The following LMO3 variants were observed in gnomAD, a reference collection of about 807,000 sequenced individuals.
The protein encoded by LMO3 is LIM domain only protein 3.
Under a neutral mutation model 15.8 loss-of-function variants are expected in LMO3, and 2 were observed. The ratio of observed to expected loss-of-function variants is 0.13; its 90% CI spans 0.05 to 0.40. The LOEUF (loss-of-function observed/expected upper bound fraction) is 0.40, where lower values mean the gene tolerates loss of function less well. Ranked by LOEUF, LMO3 falls within the 10% of genes least tolerant of loss-of-function variation. The probability of loss-of-function intolerance (pLI) is 0.99; values close to 1 mark genes in which losing one functional copy is unlikely to be tolerated. For missense variants in LMO3, 86 were observed against 182.2 expected (o/e 0.47, Z 3.04); for synonymous variants, 62 against 63.8 (o/e 0.97, Z 0.13).
intron 2 of LMO3, among the ~76,000 whole-genome samples, chr12:16,570,143 AT>A (rs778723855): frequency 4.6e-5 from 7 of 152,148 alleles, no homozygotes; most frequent in Admixed American, 4.6e-4. Flanking sequence ...GCTTTTAAGA[AT>A]TTTTTGTGAT....
rs1219362906 is a variant in LMO3 at position 16,597,412 on chromosome 12, A to C, written c.206+3243T>G. Among the ~76,000 whole-genome samples the C allele has an allele frequency of 6.6e-6, 1 of 151,778 alleles. No individual in the cohort carries two copies. Among genetic ancestry groups the C allele is most frequent in the Non-Finnish European group, 1.5e-5 (1 of 67,740 alleles). On this transcript the variant is annotated intron_variant, in intron 2 of 3. Coordinates refer to ENST00000537304, the MANE Select transcript of LMO3 (RefSeq NM_018640.5). This position sits in a 1 kb window ranked among gnomAD's most constrained non-coding sequence, Gnocchi z 5.0. Reference sequence around the variant, plus strand: ...AAATCATCATTCAAAGAACTTATAAATCACATCATCATTATCACTACTCAA... The same window carrying C: ...AAATCATCATTCAAAGAACTTATAACTCACATCATCATTATCACTACTCAA...
rs569245087 is a variant in LMO3, at chr12:16,586,074, A to G, written c.206+14581T>C. 4.6e-5 allele frequency among the ~76,000 whole-genome samples: 7 copies of G among 152,308 alleles called. No homozygotes were observed. The South Asian group carries it at 8.3e-4, about 18-fold the overall frequency. On this transcript the variant is annotated intron_variant, in intron 2 of 3. Coordinates refer to ENST00000537304, the MANE Select transcript of LMO3 (RefSeq NM_018640.5). The surrounding 1 kb of genome is among the most constrained non-coding windows in gnomAD (Gnocchi z 4.3). ...GGAAAACAGCAAAACCTTGATGTACAATTCCATAAAAATTTTTGAGGGGCC... is the reference window on the plus strand; with the variant it reads ...GGAAAACAGCAAAACCTTGATGTACGATTCCATAAAAATTTTTGAGGGGCC...
intron 3 of LMO3, among the ~76,000 whole-genome samples, chr12:16,558,330 A>G (rs770553092): frequency 1.3e-5 from 2 of 152,076 alleles, no homozygotes. Flanking sequence ...ATTTCCTACT[A>G]TGAATATGTA....
At chr12:16,566,450 G>A (rs540327427) in intron 2 of LMO3, among the ~76,000 whole-genome samples, 96 of 151,818 alleles carry the variant, frequency 6.3e-4, no homozygotes, top group Non-Finnish European at 1.3e-3. Context: ...ATGAGGCGAT[G>A]GGTATTTGAA....
chr12:16,594,631 A>T (rs568918728), intron 2 of LMO3, among the ~76,000 whole-genome samples: 1 of 151,774 alleles, frequency 6.6e-6, no homozygotes, highest in African/African-American at 2.4e-5. Flanking sequence ...ATACCAAAAT[A>T]AGACTTCAGT....
Position 16,604,164 on chromosome 12 carries a change from C to T in LMO3, c.-9+1902G>A, listed in dbSNP as rs1943915918. Among the ~76,000 whole-genome samples the T allele has an allele frequency of 6.6e-6, 1 of 152,182 alleles. No individual in the cohort carries two copies. Among genetic ancestry groups the T allele is most frequent in the Non-Finnish European group, 1.5e-5 (1 of 68,030 alleles). On this transcript the variant is annotated intron_variant, in intron 1 of 3. Transcript: ENST00000537304. This position sits in a 1 kb window ranked among gnomAD's most constrained non-coding sequence, Gnocchi z 5.3. ...CTGCCCATCTTCATCCTCTTCCCAG[C>T]CCCCAACCCAGGTTGGAAAACTGGA...
chr12:16,579,117 T>G (rs1324267709), intron 2 of LMO3, among the ~76,000 whole-genome samples: 1 of 152,130 alleles, frequency 6.6e-6, no homozygotes, highest in Non-Finnish European at 1.5e-5. Context: ...GTCATAAACT[T>G]CCACAGGGAT....
In LMO3 at chr12:16,586,546, G is replaced by GC. The variant is rs1338360603; in HGVS notation, c.206+14108dup. Among the ~76,000 whole-genome samples, 1 of 152,120 alleles carries GC rather than the reference G, an allele frequency of 6.6e-6. No homozygotes were observed. Among genetic ancestry groups the GC allele is most frequent in the Non-Finnish European group, 1.5e-5 (1 of 68,026 alleles). On this transcript the variant is annotated intron_variant, in intron 2 of 3. Coordinates refer to ENST00000537304, the MANE Select transcript of LMO3 (RefSeq NM_018640.5). The surrounding 1 kb of genome is among the most constrained non-coding windows in gnomAD (Gnocchi z 4.3). ...TGTTGTATAATATTGTCAGATTCAG[G>GC]CCAACTGAATTCTGGAGGACATATG...
intron 1 of LMO3, 83 bp downstream of exon 1, chr12:16,605,983 C>T (rs1475249708): frequency 1.4e-5 from 9 of 646,538 alleles, no homozygotes; most frequent in Non-Finnish European, 2.1e-5. Context: ...AAAAAATACC[C>T]ACATCCGCAC....
At chr12:16,553,288 T>C (rs1167152962) in intron 3 of LMO3, among the ~76,000 whole-genome samples, 1 of 152,080 alleles carries the variant, frequency 6.6e-6, no homozygotes, top group African/African-American at 2.4e-5. Context: ...ACCCAGGCCT[T>C]TTTGGATTCA....
At chr12:16,594,182 A>C in intron 2 of LMO3, 1 of 1,532,446 alleles carries the variant, frequency 6.5e-7, no homozygotes, top group South Asian at 1.2e-5. Context: ...GACAAAAGGT[A>C]ATGGCCATTC....
intron 3 of LMO3, among the ~76,000 whole-genome samples, chr12:16,553,798 G>A (rs1942080881): frequency 6.6e-6 from 1 of 151,392 alleles, no homozygotes; most frequent in African/African-American, 2.4e-5. Context: ...ATCTGTAACT[G>A]TGATTTTGTA....
intron 2 of LMO3, chr12:16,594,164 T>C: frequency 2.0e-6 from 3 of 1,532,680 alleles, no homozygotes; most frequent in Non-Finnish European, 2.6e-6. Flanking sequence ...TTGGCTAAAG[T>C]CAATGATGAC....
chr12:16,605,675 C>G, intron 1 of LMO3: 2 of 1,287,620 alleles, frequency 1.6e-6, no homozygotes, highest in Non-Finnish European at 1.1e-6. Context: ...TTCCTAATTC[C>G]AAACTCTCCC....
chr12:16,558,842 T>A (rs1305596330), intron 3 of LMO3, among the ~76,000 whole-genome samples: 3 of 152,188 alleles, frequency 2.0e-5, no homozygotes, highest in Non-Finnish European at 2.9e-5. Flanking sequence ...CCTGTTGTGT[T>A]CCTGACATTT....
intron 2 of LMO3, among the ~76,000 whole-genome samples, chr12:16,572,159 A>G (rs1942833591): frequency 6.6e-6 from 1 of 151,940 alleles, no homozygotes; most frequent in Admixed American, 6.6e-5. Context: ...GATGCTTTCC[A>G]TAATAAATTA....
intron 2 of LMO3, among the ~76,000 whole-genome samples, chr12:16,579,209 T>C (rs1047215441): frequency 6.6e-6 from 1 of 152,192 alleles, no homozygotes; most frequent in African/African-American, 2.4e-5. Flanking sequence ...ATAATTTAGA[T>C]ATTTAGGGTA....
chr12:16,551,089 T>C lies in LMO3; in HGVS notation c.*133A>G. On this transcript the variant is annotated 3_prime_UTR_variant, in exon 4 of 4. Coordinates refer to ENST00000537304, the MANE Select transcript of LMO3 (RefSeq NM_018640.5). ...ACATACAGATGCAGTCCGCCTTTTA[T>C]TCCATATAACCATCCTGCCTTCCTA... The C allele has an allele frequency of 1.7e-6, 1 of 599,734 alleles. No homozygotes were observed. The highest frequency in any genetic ancestry group is 2.7e-4 in the Middle Eastern group (1 of 3,764). The allele number at this position is 599,734 out of a possible 1,614,324, so 37.2% of individuals were successfully genotyped here. A position where few individuals can be genotyped will look rare whatever the true frequency, so the allele number is the denominator to read the frequency against.
intron 2 of LMO3, among the ~76,000 whole-genome samples, chr12:16,578,911 A>G (rs1943075915): frequency 6.6e-6 from 1 of 152,306 alleles, no homozygotes; most frequent in Admixed American, 6.5e-5. Flanking sequence ...TCATGGTTCT[A>G]TACTTAACAA....
Sources: gnomAD v4.1 joint callset for allele counts (sites outside exome capture counted in the v4.1 genomes callset) on GRCh38, gnomAD v4.1.1 for gene constraint, Gnocchi (gnomAD v3.1) non-coding constraint, MANE v1.5 for transcripts, NCBI Gene and HGNC (gene_info 2026-07-23, HGNC 2026-07-21) for gene names.